Variants in LRRC49 observed in about 807,000 individuals in gnomAD.
LRRC49 encodes the protein leucine rich repeat containing 49, also known as leucine-rich repeat-containing protein 49.
A neutral mutation model predicts 83.3 loss-of-function variants in LRRC49; 50 were observed. That is an observed-to-expected ratio of 0.60 (90% CI 0.48 to 0.76). LRRC49 has a LOEUF of 0.76. LRRC49 is among the 30% of genes least tolerant of loss of function. The probability of loss-of-function intolerance (pLI) is 0.00; values close to 1 mark genes in which losing one functional copy is unlikely to be tolerated. For missense variants in LRRC49, 704 were observed against 809.1 expected (o/e 0.87, Z 1.58); for synonymous variants, 286 against 283.3 (o/e 1.01, Z -0.10).
chr15:71,012,074 A>G lies in LRRC49; in HGVS notation c.1594-730A>G, dbSNP rs370979474. Among the ~76,000 whole-genome samples the G allele has an allele frequency of 3.9e-4, 60 of 152,228 alleles. No homozygotes were observed. The East Asian group carries it at 0.011, about 28-fold the overall frequency. ...ACTAAACATGTCTCCAGACATTGCCAGTTGTTCTGTAGGGGGCAAAATGGC... is the reference window on the plus strand; with the variant it reads ...ACTAAACATGTCTCCAGACATTGCCGGTTGTTCTGTAGGGGGCAAAATGGC... On this transcript the variant is annotated intron_variant, in intron 13 of 15. Transcript: ENST00000260382.
intron 8 of LRRC49, 82 bp from the exon 9 acceptor site, chr15:70,963,703 G>T (rs2036690392): frequency 1.0e-5 from 15 of 1,452,000 alleles, no homozygotes; most frequent in Non-Finnish European, 1.4e-5. Flanking sequence ...ATCTAAAACT[G>T]TGCTAAAAAT....
At chr15:70,977,509 G>A (rs1323931832) in intron 9 of LRRC49, among the ~76,000 whole-genome samples, 1 of 152,108 alleles carries the variant, frequency 6.6e-6, no homozygotes, top group African/African-American at 2.4e-5. Flanking sequence ...GCCTGGCATG[G>A]TGGCACATGC....
chr15:70,928,737 G>A (rs1241994079), intron 7 of LRRC49, among the ~76,000 whole-genome samples: 3 of 151,920 alleles, frequency 2.0e-5, no homozygotes, highest in Non-Finnish European at 2.9e-5. Context: ...GGCTAATTTT[G>A]TATTTTTAGT....
intron 8 of LRRC49, among the ~76,000 whole-genome samples, chr15:70,961,480 C>T (rs1346297930): frequency 6.6e-6 from 1 of 152,128 alleles, no homozygotes; most frequent in East Asian, 1.9e-4. Context: ...TCATAATCAA[C>T]AAAAACTGGA....
intron 9 of LRRC49, among the ~76,000 whole-genome samples, chr15:70,979,356 A>G (rs1341757677): frequency 6.6e-6 from 1 of 152,128 alleles, no homozygotes; most frequent in Non-Finnish European, 1.5e-5. Flanking sequence ...TGATGAAACT[A>G]TATAAAATTA....
At chr15:70,973,741 T>G (rs1396706461) in intron 9 of LRRC49, among the ~76,000 whole-genome samples, 1 of 152,128 alleles carries the variant, frequency 6.6e-6, no homozygotes. Flanking sequence ...GGCACTGTGG[T>G]TTTTTTAATG....
intron 9 of LRRC49, among the ~76,000 whole-genome samples, chr15:70,968,356 C>T (rs1034149569): frequency 2.6e-5 from 4 of 152,046 alleles, no homozygotes; most frequent in African/African-American, 4.8e-5. Context: ...ATGGTGTATA[C>T]GTGCCACATT....
Position 70,893,378 on chromosome 15 carries a change from G to C in LRRC49, c.49-206G>C, listed in dbSNP as rs2033672818. ...AGGGTTAAATTGCTGCCGACATTTT[G>C]GAAAATAAATCAGTGAAACCTTTTA... On this transcript the variant is annotated intron_variant, in intron 1 of 15. Coordinates refer to ENST00000260382, the MANE Select transcript of LRRC49 (RefSeq NM_017691.5). 11 of 590,228 alleles carry C rather than the reference G, an allele frequency of 1.9e-5. No individual in the cohort carries two copies. In the East Asian group the frequency reaches 3.2e-4, roughly 17 times the overall value. 36.6% of individuals were successfully genotyped at this position (590,228 alleles called of 1,614,324 possible). A position where few individuals can be genotyped will look rare whatever the true frequency, so the allele number is the denominator to read the frequency against.
chr15:71,045,869 T>C (rs774136792), intron 15 of LRRC49, among the ~76,000 whole-genome samples: 13 of 152,096 alleles, frequency 8.5e-5, no homozygotes, highest in Non-Finnish European at 1.6e-4. Context: ...TCTATGTTGT[T>C]CCCATATTTA....
chr15:70,982,375 T>A (rs888406775), intron 10 of LRRC49, among the ~76,000 whole-genome samples: 1 of 152,122 alleles, frequency 6.6e-6, no homozygotes, highest in Non-Finnish European at 1.5e-5. Context: ...ACAAATTGGG[T>A]TGGCATAGTC....
chr15:70,983,463 C>T (rs999606860), intron 10 of LRRC49, among the ~76,000 whole-genome samples: 7 of 152,092 alleles, frequency 4.6e-5, no homozygotes, highest in East Asian at 1.9e-4. Context: ...TTAAGACATC[C>T]GTTGCTTATA....
At chr15:70,990,447 G>A (rs1035821631) in intron 11 of LRRC49, among the ~76,000 whole-genome samples, 2 of 152,218 alleles carry the variant, frequency 1.3e-5, no homozygotes, top group African/African-American at 4.8e-5. Context: ...CCAGGTGCGG[G>A]ATATAATCTC....
chr15:71,023,468 C>T (rs1471768346), intron 14 of LRRC49, among the ~76,000 whole-genome samples: 4 of 152,108 alleles, frequency 2.6e-5, no homozygotes, highest in Admixed American at 2.0e-4. Context: ...CTGAGAAGAA[C>T]AAAAATGGTG....
intron 8 of LRRC49, among the ~76,000 whole-genome samples, chr15:70,953,780 A>G (rs1256310514): frequency 6.6e-6 from 1 of 152,056 alleles, no homozygotes; most frequent in Non-Finnish European, 1.5e-5. Flanking sequence ...TCTCTATGTA[A>G]TCCCCTATTT....
chr15:70,870,693 T>C (rs1383455592), intron 1 of LRRC49, among the ~76,000 whole-genome samples: 1 of 152,286 alleles, frequency 6.6e-6, no homozygotes, highest in East Asian at 1.9e-4. Flanking sequence ...TTTCTCCATG[T>C]TGGTCATTCT....
At chr15:70,924,142 G>A (rs1483934719) in intron 7 of LRRC49, among the ~76,000 whole-genome samples, 1 of 151,836 alleles carries the variant, frequency 6.6e-6, no homozygotes, top group East Asian at 1.9e-4. Context: ...TTTGTGAAGA[G>A]TATGGCAGGA....
intron 3 of LRRC49, among the ~76,000 whole-genome samples, chr15:70,897,901 A>G (rs949184448): frequency 5.3e-5 from 8 of 152,226 alleles, no homozygotes; most frequent in African/African-American, 1.9e-4. Flanking sequence ...GACCTTATTG[A>G]TTAAATCCCT....
chr15:71,048,381 T>C (rs924269584), intron 15 of LRRC49, among the ~76,000 whole-genome samples: 3 of 152,198 alleles, frequency 2.0e-5, no homozygotes, highest in African/African-American at 7.2e-5. Flanking sequence ...AGATGTGAGC[T>C]ACCATGCCTG....
At position 70,906,960 on chromosome 15, in the gene LRRC49, T is replaced by C. The variant is rs139977515; in HGVS notation, c.500+2205T>C. ...AAAGAAAATGAGTCAGAAGAAAACTTTCCATATTCTCCCCTATTGCATGTT... is the reference window on the plus strand; with the variant it reads ...AAAGAAAATGAGTCAGAAGAAAACTCTCCATATTCTCCCCTATTGCATGTT... On this transcript the variant is annotated intron_variant, in intron 5 of 15. Coordinates refer to ENST00000260382, the MANE Select transcript of LRRC49 (RefSeq NM_017691.5). Among the ~76,000 whole-genome samples, 20 of 152,336 alleles carry C rather than the reference T, an allele frequency of 1.3e-4. No homozygotes were observed. In the East Asian group the frequency reaches 3.5e-3, roughly 26 times the overall value.
Sources: gnomAD v4.1 joint callset for allele counts (sites outside exome capture counted in the v4.1 genomes callset) on GRCh38, gnomAD v4.1.1 for gene constraint, MANE v1.5 for transcripts, NCBI Gene and HGNC (gene_info 2026-07-23, HGNC 2026-07-21) for gene names.